TOX: variants seen among roughly 807,000 people sequenced by gnomAD.
The protein encoded by TOX is thymocyte selection-associated high mobility group box protein TOX.
Under a neutral mutation model 53.7 loss-of-function variants are expected in TOX, and 11 were observed. The ratio of observed to expected loss-of-function variants is 0.20; its 90% CI spans 0.13 to 0.34. The LOEUF is 0.34. Among genes scored for constraint, TOX ranks in the 10% least tolerant of loss-of-function variants. TOX has a pLI of 1.00. For synonymous variants in TOX, 225 were observed against 245.3 expected (o/e 0.92, Z 0.77); for missense variants, 570 against 664.6 (o/e 0.86, Z 1.56).
intron 1 of TOX, among the ~76,000 whole-genome samples, chr8:58,985,201 G>A (rs1444315402): frequency 1.3e-5 from 2 of 151,162 alleles, no homozygotes; most frequent in African/African-American, 4.9e-5. Context: ...CATGTCCATA[G>A]TGGCATTATT....
intron 1 of TOX, among the ~76,000 whole-genome samples, chr8:59,106,089 T>C (rs904946385): frequency 2.6e-5 from 4 of 152,220 alleles, no homozygotes; most frequent in African/African-American, 9.6e-5. Flanking sequence ...TTCATATGTT[T>C]AATAATGTCA....
chr8:58,976,172 T>C (rs1240637870), intron 1 of TOX, among the ~76,000 whole-genome samples: 1 of 152,200 alleles, frequency 6.6e-6, no homozygotes, highest in East Asian at 1.9e-4. Flanking sequence ...CTACCTACAG[T>C]AGAATGTCAA....
chr8:59,078,668 A>T (rs1362094240), intron 1 of TOX, among the ~76,000 whole-genome samples: 6 of 152,232 alleles, frequency 3.9e-5, no homozygotes, highest in Admixed American at 3.9e-4. Flanking sequence ...ATGCAAGAAC[A>T]GCCTAACACA....
chr8:58,904,665 A>G (rs565387735), intron 3 of TOX, among the ~76,000 whole-genome samples: 14 of 152,336 alleles, frequency 9.2e-5, no homozygotes, highest in African/African-American at 2.9e-4. Flanking sequence ...GGGCCTGACC[A>G]TGGTAATGAC....
At chr8:58,978,943 T>G (rs1426196937) in intron 1 of TOX, among the ~76,000 whole-genome samples, 1 of 152,246 alleles carries the variant, frequency 6.6e-6, no homozygotes, top group Non-Finnish European at 1.5e-5. Context: ...CAATGCTGCC[T>G]GTATCTACCT....
intron 1 of TOX, among the ~76,000 whole-genome samples, chr8:58,973,858 C>A (rs571245162): frequency 6.6e-6 from 1 of 151,778 alleles, no homozygotes; most frequent in Non-Finnish European, 1.5e-5. Context: ...AGTGTAGTGG[C>A]GCGATCTCAG....
intron 1 of TOX, among the ~76,000 whole-genome samples, chr8:59,054,013 T>C (rs1440255257): frequency 6.6e-6 from 1 of 152,158 alleles, no homozygotes; most frequent in East Asian, 1.9e-4. Context: ...GAAAAAAATA[T>C]CAGAGAGTGG....
intron 1 of TOX, among the ~76,000 whole-genome samples, chr8:58,974,871 T>A (rs1813062622): frequency 6.6e-6 from 1 of 152,138 alleles, no homozygotes; most frequent in South Asian, 2.1e-4. Context: ...ATGGCACTAT[T>A]AATTTTATGA....
Position 58,851,466 on chromosome 8 carries a change from G to C in TOX, c.693+58C>G. 6.3e-7 allele frequency: 1 copy of C among 1,581,956 alleles called. No homozygotes were observed. On this transcript the variant is annotated intron_variant, in intron 4 of 8. Transcript: ENST00000361421. This position sits in a 1 kb window ranked among gnomAD's most constrained non-coding sequence, Gnocchi z 4.4. ...TGATATAAACTTGTACCCAGCACAG[G>C]TCAAAGAAGGTGCCTAAGAATAGTC...
intron 1 of TOX, among the ~76,000 whole-genome samples, chr8:58,985,845 T>C (rs1315633745): frequency 6.6e-6 from 1 of 152,186 alleles, no homozygotes; most frequent in Non-Finnish European, 1.5e-5. Flanking sequence ...TCCCTACACT[T>C]TGGGCTTTTC....
intron 1 of TOX, among the ~76,000 whole-genome samples, chr8:59,040,401 T>A (rs1803559270): frequency 6.6e-6 from 1 of 151,118 alleles, no homozygotes; most frequent in Admixed American, 6.6e-5. Context: ...GAATTTGCTA[T>A]CTTAGACCAT....
intron 3 of TOX, among the ~76,000 whole-genome samples, chr8:58,858,202 C>A (rs1162289864): frequency 2.0e-5 from 3 of 152,142 alleles, no homozygotes; most frequent in Admixed American, 6.5e-5. Context: ...TAACATTAGT[C>A]ATGTTAGTGA....
At chr8:58,862,608 A>G (rs955533707) in intron 3 of TOX, among the ~76,000 whole-genome samples, 1 of 152,160 alleles carries the variant, frequency 6.6e-6, no homozygotes, top group Non-Finnish European at 1.5e-5. Context: ...AAAGAAAGAG[A>G]ATAGGCTTTC....
intron 1 of TOX, among the ~76,000 whole-genome samples, chr8:59,115,724 T>C (rs540017798): frequency 6.6e-6 from 1 of 152,186 alleles, no homozygotes; most frequent in South Asian, 2.1e-4. Flanking sequence ...CACTGACCTA[T>C]ATACAGCAAC....
At chr8:58,893,125 G>T (rs1282232267) in intron 3 of TOX, among the ~76,000 whole-genome samples, 1 of 152,044 alleles carries the variant, frequency 6.6e-6, no homozygotes, top group East Asian at 1.9e-4. Context: ...TAACTGCTTT[G>T]TGTCTACAGT....
intron 1 of TOX, among the ~76,000 whole-genome samples, chr8:58,994,442 T>C (rs1294865423): frequency 6.8e-6 from 1 of 146,358 alleles, no homozygotes; most frequent in Non-Finnish European, 1.5e-5. Context: ...GTGTGTGTAT[T>C]TTTTTTTTTT....
intron 3 of TOX, among the ~76,000 whole-genome samples, chr8:58,922,466 C>A (rs934054019): frequency 6.6e-6 from 1 of 152,154 alleles, no homozygotes; most frequent in Non-Finnish European, 1.5e-5. Flanking sequence ...TGTGACCTTT[C>A]CTATAGCCTT....
chr8:58,911,698 CTTTTCTTTTT>C (rs1055354783), intron 3 of TOX, among the ~76,000 whole-genome samples: 8 of 152,044 alleles, frequency 5.3e-5, no homozygotes, highest in South Asian at 2.1e-4. Context: ...AAGTTCAAAA[CTTTTCTTTTT>C]TTTTCTTTTT....
chr8:58,848,105 C>T (rs1279953999), intron 4 of TOX, among the ~76,000 whole-genome samples: 1 of 151,934 alleles, frequency 6.6e-6, no homozygotes, highest in Non-Finnish European at 1.5e-5. Context: ...GAATGAACAA[C>T]AATAACAGCT....
Sources: allele counts gnomAD v4.1 joint callset (sites outside exome capture counted in the v4.1 genomes callset), GRCh38; gene constraint gnomAD v4.1.1; non-coding constraint Gnocchi (gnomAD v3.1); transcripts MANE v1.5; gene names NCBI Gene and HGNC (gene_info 2026-07-23, HGNC 2026-07-21).